The following PIP5K1B variants were observed in gnomAD, a reference collection of about 807,000 sequenced individuals.
PIP5K1B encodes the protein phosphatidylinositol 4-phosphate 5-kinase type-1 beta.
In PIP5K1B, 42 loss-of-function variants were observed where a neutral mutation model predicts 67.0. That is an observed-to-expected ratio of 0.63 (90% CI 0.49 to 0.81). The LOEUF is 0.81. Ranked by LOEUF, PIP5K1B falls within the 30% of genes least tolerant of loss-of-function variation. The pLI is 0.00. For missense variants in PIP5K1B, 459 were observed against 646.3 expected, an observed-to-expected ratio of 0.71 and a Z score of 3.14; for synonymous variants, 214 against 231.4, an observed-to-expected ratio of 0.92 and a Z score of 0.68.
In PIP5K1B at chr9:68,917,620, G is replaced by A; in HGVS notation, c.844G>A (p.Glu282Lys). 1.9e-6 allele frequency: 3 copies of A among 1,614,048 alleles called. No individual in the cohort carries two copies. Among genetic ancestry groups the A allele is most frequent in the Non-Finnish European group, 2.5e-6 (3 of 1,179,900 alleles). ...TCATTTCCTGGACCATTCCCTCAAA[G>A]AGAAAGAGGAGGAGACCCCACAAAA... ...GIHFLDHSLK[E>K]KEEETPQNVP... The change falls in exon 9 of 16, where the codon GAG (glutamate) becomes AAG (lysine). Residue 282 changes from glutamate to lysine, a missense_variant. Physicochemically the swap from Glu to Lys is moderately conservative, Grantham distance 56. This residue lies in a region of PIP5K1B where 290 missense variants were observed against 474.4 expected (regional missense o/e 0.61). Coordinates refer to ENST00000265382, the MANE Select transcript of PIP5K1B (RefSeq NM_003558.4).
chr9:68,839,264 GT>G (rs1350244293), intron 4 of PIP5K1B, among the ~76,000 whole-genome samples: 1 of 151,906 alleles, frequency 6.6e-6, no homozygotes, highest in Non-Finnish European at 1.5e-5. Context: ...TTGGGGTGTG[GT>G]TGACTGCTAA....
chr9:68,915,926 C>CGAAA (rs1375046317), intron 8 of PIP5K1B, among the ~76,000 whole-genome samples: 2 of 152,234 alleles, frequency 1.3e-5, no homozygotes, highest in African/African-American at 4.8e-5. Context: ...AAAGCCTTTT[C>CGAAA]TCAGGTGGCA....
At chr9:69,000,894 C>CTTTTTTTTTTTTTT (rs35077587) in intron 15 of PIP5K1B, among the ~76,000 whole-genome samples, 1 of 144,536 alleles carries the variant, frequency 6.9e-6, no homozygotes, top group Non-Finnish European at 1.5e-5. Flanking sequence ...GGGAGCACAA[C>CTTTTTTTTTTTTTT]TTTTTTTTTT....
intron 15 of PIP5K1B, among the ~76,000 whole-genome samples, chr9:68,995,805 C>CAAA (rs35764883): frequency 3.0e-5 from 3 of 100,318 alleles, no homozygotes; most frequent in East Asian, 2.8e-4. Context: ...AACTCCGTCT[C>CAAA]AAAAAAAAAA....
chr9:68,715,618 C>T (rs892728752), intron 1 of PIP5K1B, among the ~76,000 whole-genome samples: 12 of 152,190 alleles, frequency 7.9e-5, no homozygotes, highest in South Asian at 4.1e-4. Flanking sequence ...CTAGTTTCCT[C>T]GCCCCCACCA....
chr9:68,765,563 T>C (rs1372474251), intron 2 of PIP5K1B, among the ~76,000 whole-genome samples: 1 of 152,106 alleles, frequency 6.6e-6, no homozygotes, highest in Admixed American at 6.5e-5. Flanking sequence ...ACATAAATTC[T>C]CCATCAAAAT....
intron 2 of PIP5K1B, among the ~76,000 whole-genome samples, chr9:68,761,970 A>T (rs547444785): frequency 6.6e-6 from 1 of 152,196 alleles, no homozygotes; most frequent in East Asian, 1.9e-4. Flanking sequence ...TTAACCAATA[A>T]TTGCAGAGCT....
At chr9:68,979,391 A>G (rs916996035) in intron 14 of PIP5K1B, among the ~76,000 whole-genome samples, 3 of 152,246 alleles carry the variant, frequency 2.0e-5, no homozygotes, top group African/African-American at 7.2e-5. Flanking sequence ...GATGCCTGCT[A>G]GCTTTACACC....
chr9:68,837,607 GT>G (rs57120656), intron 4 of PIP5K1B, among the ~76,000 whole-genome samples: 33 of 111,868 alleles, frequency 2.9e-4, no homozygotes, highest in South Asian at 1.2e-3. Flanking sequence ...CTTACTTTGT[GT>G]TTTTTTTTTT....
chr9:68,851,833 A>G (rs1822501351), intron 4 of PIP5K1B, among the ~76,000 whole-genome samples: 1 of 152,238 alleles, frequency 6.6e-6, no homozygotes, highest in African/African-American at 2.4e-5. Flanking sequence ...CCTCTTCCAA[A>G]GCACAGCTGG....
intron 1 of PIP5K1B, among the ~76,000 whole-genome samples, chr9:68,723,999 T>C (rs774066564): frequency 2.5e-4 from 38 of 152,112 alleles, no homozygotes; most frequent in Non-Finnish European, 5.0e-4. Flanking sequence ...GTTTCATAGT[T>C]TTAGGCCTTA....
chr9:68,908,519 A>G (rs1356245138), intron 8 of PIP5K1B, among the ~76,000 whole-genome samples: 2 of 151,902 alleles, frequency 1.3e-5, no homozygotes, highest in African/African-American at 4.8e-5. Context: ...AAAACACATT[A>G]TTGCCAAAAC....
chr9:68,908,691 A>G (rs1408350770), intron 8 of PIP5K1B, among the ~76,000 whole-genome samples: 1 of 152,236 alleles, frequency 6.6e-6, no homozygotes, highest in Non-Finnish European at 1.5e-5. Flanking sequence ...AACTGGCACA[A>G]TACAAGGAAT....
Position 68,948,804 on chromosome 9 carries a change from A to G in PIP5K1B, c.1502+8014A>G, listed in dbSNP as rs151031266. On this transcript the variant is annotated intron_variant, in intron 14 of 15. Transcript: ENST00000265382. The stretch of plus-strand genomic sequence containing the variant: ...CAGATGTCTTTTTTCCTTTTTGACA[A>G]ATTATAGAATTACTTCTGAAGTGAT... 5.3e-4 allele frequency among the ~76,000 whole-genome samples: 80 copies of G among 152,266 alleles called. 2 individuals carry two copies. In the East Asian group the frequency reaches 0.015, roughly 28 times the overall value.
At chr9:68,782,938 A>G (rs1222931257) in intron 2 of PIP5K1B, 1 of 167,046 alleles carries the variant, frequency 6.0e-6, no homozygotes, top group Non-Finnish European at 1.5e-5. Context: ...TCTCTGTTGG[A>G]TTAGCTTAAT....
At chr9:68,961,035 C>A (rs1272122006) in intron 14 of PIP5K1B, among the ~76,000 whole-genome samples, 5 of 151,736 alleles carry the variant, frequency 3.3e-5, no homozygotes, top group Admixed American at 3.3e-4. Flanking sequence ...AAGGTGAAAC[C>A]CCGTCTCTAC....
At chr9:68,844,004 G>C (rs753258083) in intron 4 of PIP5K1B, among the ~76,000 whole-genome samples, 5 of 152,184 alleles carry the variant, frequency 3.3e-5, no homozygotes, top group Non-Finnish European at 5.9e-5. Flanking sequence ...AAAGTCAGTA[G>C]TTGGCCAGGC....
chr9:68,838,647 T>C (rs1479778332), intron 4 of PIP5K1B, among the ~76,000 whole-genome samples: 1 of 152,226 alleles, frequency 6.6e-6, no homozygotes, highest in African/African-American at 2.4e-5. Flanking sequence ...TATTGAATAC[T>C]GTACTCAGTA....
intron 2 of PIP5K1B, among the ~76,000 whole-genome samples, chr9:68,749,509 C>T (rs1182074386): frequency 6.6e-6 from 1 of 152,164 alleles, no homozygotes; most frequent in African/African-American, 2.4e-5. Context: ...TAGTTTTAAG[C>T]CACCAAATTT....
Sources: allele counts gnomAD v4.1 joint callset (sites outside exome capture counted in the v4.1 genomes callset), GRCh38; gene constraint gnomAD v4.1.1; regional missense constraint gnomAD v4.1.1; transcripts MANE v1.5; gene names NCBI Gene and HGNC (gene_info 2026-07-23, HGNC 2026-07-21).